CNTNAP2: variants seen among roughly 807,000 people sequenced by gnomAD.
CNTNAP2 encodes the protein contactin-associated protein-like 2.
CNTNAP2 carries 98 observed loss-of-function variants against 155.2 expected under a neutral mutation model. That is an observed-to-expected ratio of 0.63 (90% CI 0.54 to 0.75). The LOEUF is 0.75. Among genes scored for constraint, CNTNAP2 ranks in the 30% least tolerant of loss-of-function variants. The probability of loss-of-function intolerance (pLI) is 0.00; values close to 1 mark genes in which losing one functional copy is unlikely to be tolerated. For synonymous variants in CNTNAP2, 651 were observed against 631.2 expected (o/e 1.03, Z -0.47); for missense variants, 1,727 against 1,688.1 (o/e 1.02, Z -0.40).
intron 1 of CNTNAP2, among the ~76,000 whole-genome samples, chr7:146,257,200 T>A (rs568069287): frequency 6.6e-6 from 1 of 152,258 alleles, no homozygotes; most frequent in Non-Finnish European, 1.5e-5. Flanking sequence ...CCTAATTTCA[T>A]GAATATAAAG....
intron 1 of CNTNAP2, among the ~76,000 whole-genome samples, chr7:146,360,160 AGT>A (rs1795062208): frequency 6.6e-6 from 1 of 152,102 alleles, no homozygotes; most frequent in Admixed American, 6.6e-5. Context: ...TTTTCTTTCC[AGT>A]GTTAAGCCTT....
chr7:148,156,355 G>T lies in CNTNAP2; in HGVS notation c.2773+8646G>T, dbSNP rs1050788736. Among the ~76,000 whole-genome samples the T allele has an allele frequency of 5.9e-5, 9 of 152,260 alleles. No individual in the cohort carries two copies. The East Asian group carries it at 1.2e-3, about 20-fold the overall frequency. ...CGGGGCTTTGCAGACTCTCTCAGCAGCATGTCTCCTGCGCTCTTTCCTGAA... is the reference window on the plus strand; with the variant it reads ...CGGGGCTTTGCAGACTCTCTCAGCATCATGTCTCCTGCGCTCTTTCCTGAA... On this transcript the variant is annotated intron_variant, in intron 17 of 23. Coordinates refer to ENST00000361727, the MANE Select transcript of CNTNAP2 (RefSeq NM_014141.6).
intron 8 of CNTNAP2, among the ~76,000 whole-genome samples, chr7:147,251,253 C>A (rs1804190436): frequency 6.6e-6 from 1 of 152,168 alleles, no homozygotes; most frequent in Admixed American, 6.5e-5. Flanking sequence ...GCATCCCCTG[C>A]CGAAGACTCT....
At chr7:147,658,031 CG>C (rs1161745034) in intron 13 of CNTNAP2, among the ~76,000 whole-genome samples, 1 of 118,240 alleles carries the variant, frequency 8.5e-6, no homozygotes, top group African/African-American at 2.8e-5. Context: ...CCGAGGCGGG[CG>C]GATCACGAGG....
intron 13 of CNTNAP2, among the ~76,000 whole-genome samples, chr7:147,710,753 G>A (rs540358968): frequency 6.6e-6 from 1 of 152,190 alleles, no homozygotes; most frequent in East Asian, 1.9e-4. Flanking sequence ...TTTTACCCCA[G>A]GGCCTCAAAT....
chr7:147,246,815 T>C (rs1804080288), intron 8 of CNTNAP2, among the ~76,000 whole-genome samples: 1 of 152,146 alleles, frequency 6.6e-6, no homozygotes, highest in Admixed American at 6.5e-5. Context: ...AGTTACAAGA[T>C]AAAATCAAAC....
intron 13 of CNTNAP2, among the ~76,000 whole-genome samples, chr7:147,684,153 C>G (rs1274671184): frequency 6.6e-6 from 1 of 151,756 alleles, no homozygotes; most frequent in East Asian, 1.9e-4. Flanking sequence ...AATTTTTCAA[C>G]AAATTAGGCT....
At chr7:146,232,438 T>C (rs970522500) in intron 1 of CNTNAP2, among the ~76,000 whole-genome samples, 1 of 152,054 alleles carries the variant, frequency 6.6e-6, no homozygotes, top group Non-Finnish European at 1.5e-5. Context: ...AATTGAGAAA[T>C]GTGTGTAGTT....
chr7:147,572,894 C>T (rs751861151), intron 12 of CNTNAP2, among the ~76,000 whole-genome samples: 13 of 151,938 alleles, frequency 8.6e-5, no homozygotes, highest in Non-Finnish European at 1.0e-4. Flanking sequence ...TAGGTTTTTC[C>T]AATTTGTGGA....
At chr7:148,243,577 C>A (rs752132480) in intron 20 of CNTNAP2, among the ~76,000 whole-genome samples, 9 of 151,980 alleles carry the variant, frequency 5.9e-5, no homozygotes, top group Non-Finnish European at 1.0e-4. Context: ...AGAGAGAGAG[C>A]GCTTGTGGAG....
intron 1 of CNTNAP2, among the ~76,000 whole-genome samples, chr7:146,494,610 G>A (rs1797187361): frequency 6.6e-6 from 1 of 152,046 alleles, no homozygotes; most frequent in African/African-American, 2.4e-5. Context: ...AGTTAGGAGG[G>A]TATAGTACTG....
chr7:147,941,937 G>T (rs1215191881), intron 14 of CNTNAP2, among the ~76,000 whole-genome samples: 2 of 152,174 alleles, frequency 1.3e-5, no homozygotes, highest in African/African-American at 4.8e-5. Context: ...TACGTTCTTT[G>T]ATCATGTGGC....
intron 3 of CNTNAP2, among the ~76,000 whole-genome samples, chr7:147,029,549 G>GT (rs11370307): frequency 0.37 from 54,408 of 147,500 alleles, 10,042 homozygotes; most frequent in East Asian, 0.45. Context: ...TGTAAAAAGG[G>GT]TTTTTTTTTT....
At chr7:147,570,810 AC>A (rs1240313708) in intron 12 of CNTNAP2, among the ~76,000 whole-genome samples, 2 of 152,208 alleles carry the variant, frequency 1.3e-5, no homozygotes, top group African/African-American at 4.8e-5. Context: ...GTTTGTAGTT[AC>A]CGTGTGTATG....
intron 8 of CNTNAP2, among the ~76,000 whole-genome samples, chr7:147,268,674 A>C (rs900772528): frequency 6.6e-6 from 1 of 152,040 alleles, no homozygotes; most frequent in Admixed American, 6.5e-5. Flanking sequence ...ATAATAAAAA[A>C]AATAATGGAG....
intron 1 of CNTNAP2, among the ~76,000 whole-genome samples, chr7:146,495,467 A>G (rs1797200178): frequency 6.6e-6 from 1 of 151,326 alleles, no homozygotes; most frequent in South Asian, 2.1e-4. Flanking sequence ...AATCACTTTC[A>G]TCTCCTCGTT....
chr7:147,942,818 A>T (rs1800748950), intron 14 of CNTNAP2, among the ~76,000 whole-genome samples: 2 of 152,154 alleles, frequency 1.3e-5, no homozygotes, highest in African/African-American at 4.8e-5. Flanking sequence ...TGGGCGGATC[A>T]CGAGGTCAGG....
intron 1 of CNTNAP2, among the ~76,000 whole-genome samples, chr7:146,548,170 A>C (rs1798058436): frequency 6.6e-6 from 1 of 151,852 alleles, no homozygotes; most frequent in South Asian, 2.1e-4. Context: ...CTATGTGTCC[A>C]CGTGTTTTCA....
At chr7:148,393,338 T>G (rs1799395900) in intron 22 of CNTNAP2, among the ~76,000 whole-genome samples, 2 of 152,194 alleles carry the variant, frequency 1.3e-5, no homozygotes, top group Admixed American at 6.5e-5. Flanking sequence ...TTTTCCCTCT[T>G]CAGTCACCAA....
Sources: allele counts gnomAD v4.1 joint callset (sites outside exome capture counted in the v4.1 genomes callset), GRCh38; gene constraint gnomAD v4.1.1; transcripts MANE v1.5; gene names NCBI Gene and HGNC (gene_info 2026-07-23, HGNC 2026-07-21).